Variants in PLPPR5 observed in about 807,000 individuals in gnomAD.
PLPPR5 encodes the protein phospholipid phosphatase related 5, also known as phospholipid phosphatase-related protein type 5.
Under a neutral mutation model 33.9 loss-of-function variants are expected in PLPPR5, and 16 were observed. The observed-to-expected ratio is 0.47, with a 90% CI of 0.32 to 0.72. The LOEUF (loss-of-function observed/expected upper bound fraction) is 0.72, where lower values mean the gene tolerates loss of function less well. Ranked by LOEUF, PLPPR5 falls within the 30% of genes least tolerant of loss-of-function variation. The probability of loss-of-function intolerance (pLI) is 0.03; values close to 1 mark genes in which losing one functional copy is unlikely to be tolerated. For synonymous variants in PLPPR5, 163 were observed against 150.3 expected, an observed-to-expected ratio of 1.08 and a Z score of -0.62; for missense variants, 301 against 406.7, an observed-to-expected ratio of 0.74 and a Z score of 2.23.
intron 3 of PLPPR5, among the ~76,000 whole-genome samples, chr1:98,928,538 A>C (rs995137378): frequency 3.1e-5 from 2 of 65,318 alleles, no homozygotes; most frequent in Non-Finnish European, 7.0e-5. Flanking sequence ...ACTATTAGAA[A>C]GTTTTAAATC....
intron 3 of PLPPR5, among the ~76,000 whole-genome samples, chr1:98,936,513 T>C (rs1650173588): frequency 6.6e-6 from 1 of 152,234 alleles, no homozygotes. Flanking sequence ...CAAAATTTCC[T>C]GATCCTCAGG....
At chr1:98,932,260 A>G (rs1384854937) in intron 3 of PLPPR5, among the ~76,000 whole-genome samples, 3 of 152,216 alleles carry the variant, frequency 2.0e-5, no homozygotes, top group Non-Finnish European at 4.4e-5. Context: ...TGGGTTAAAT[A>G]GGCTTTTGAA....
Position 98,891,760 on chromosome 1 carries a change from C to T in PLPPR5, c.*1312G>A, listed in dbSNP as rs192788206. 3 of 152,116 alleles carry T rather than the reference C, an allele frequency of 2.0e-5. No individual in the cohort carries two copies. Among genetic ancestry groups the T allele is most frequent in the Non-Finnish European group, 2.9e-5 (2 of 67,968 alleles). The allele number at this position is 152,116 out of a possible 1,614,324, so 9.4% of individuals were successfully genotyped here. On this transcript the variant is annotated 3_prime_UTR_variant, in exon 6 of 6. Coordinates refer to ENST00000263177, the MANE Select transcript of PLPPR5 (RefSeq NM_001037317.2). ...CATAAACATTTAAAATACAGCAGAG[C>T]TTTCATATTTGTATTCTGGCATTTC... is the stretch of plus-strand genomic sequence containing the variant.
intron 5 of PLPPR5, among the ~76,000 whole-genome samples, chr1:98,897,008 G>C (rs1479959191): frequency 6.6e-6 from 1 of 152,062 alleles, no homozygotes; most frequent in African/African-American, 2.4e-5. Context: ...TACAGCTATA[G>C]GAAAACAAGT....
chr1:98,916,133 T>C (rs1649340051), intron 4 of PLPPR5, among the ~76,000 whole-genome samples: 3 of 152,188 alleles, frequency 2.0e-5, no homozygotes, highest in Admixed American at 2.0e-4. Context: ...GCCAATTAGA[T>C]CAATTAGATC....
chr1:98,972,704 C>G (rs1438652012), intron 1 of PLPPR5, among the ~76,000 whole-genome samples: 1 of 151,956 alleles, frequency 6.6e-6, no homozygotes, highest in Non-Finnish European at 1.5e-5. Context: ...TGTTCAGTTA[C>G]CAACCTTACT....
chr1:98,932,206 A>G (rs146916475), intron 3 of PLPPR5, among the ~76,000 whole-genome samples: 143 of 152,328 alleles, frequency 9.4e-4, no homozygotes, highest in African/African-American at 3.3e-3. Flanking sequence ...GAAACACTGT[A>G]CCTCATGGTA....
intron 1 of PLPPR5, among the ~76,000 whole-genome samples, chr1:98,985,740 T>A (rs1237862055): frequency 6.6e-6 from 1 of 152,038 alleles, no homozygotes; most frequent in Non-Finnish European, 1.5e-5. Flanking sequence ...CAGTTTTGAG[T>A]ATAGTAACAA....
chr1:98,973,546 T>A (rs945975754), intron 1 of PLPPR5, among the ~76,000 whole-genome samples: 1 of 152,082 alleles, frequency 6.6e-6, no homozygotes, highest in South Asian at 2.1e-4. Context: ...GCTTTACAGG[T>A]AGGGCCATCA....
At chr1:98,973,527 A>C (rs1570746481) in intron 1 of PLPPR5, among the ~76,000 whole-genome samples, 1 of 152,026 alleles carries the variant, frequency 6.6e-6, no homozygotes, top group Non-Finnish European at 1.5e-5. Flanking sequence ...AGAAGCAACA[A>C]GTGGAAGAGC....
intron 3 of PLPPR5, among the ~76,000 whole-genome samples, chr1:98,927,310 AG>A (rs1050033852): frequency 5.9e-5 from 9 of 152,310 alleles, no homozygotes; most frequent in African/African-American, 1.9e-4. Context: ...AGTGGGGTCT[AG>A]TTGGAGGCCT....
chr1:98,943,627 C>A (rs1410358557), intron 3 of PLPPR5, among the ~76,000 whole-genome samples: 2 of 152,100 alleles, frequency 1.3e-5, no homozygotes, highest in Non-Finnish European at 2.9e-5. Flanking sequence ...AGAGGAGTAA[C>A]TACTTATTAG....
intron 1 of PLPPR5, among the ~76,000 whole-genome samples, chr1:98,958,977 C>T (rs1651126623): frequency 1.3e-5 from 2 of 152,064 alleles, no homozygotes; most frequent in Admixed American, 1.3e-4. Flanking sequence ...CTCAGGCTAC[C>T]ATGCTAAACT....
At chr1:98,940,497 T>C (rs956477693) in intron 3 of PLPPR5, among the ~76,000 whole-genome samples, 5 of 151,930 alleles carry the variant, frequency 3.3e-5, no homozygotes, top group Admixed American at 6.6e-5. Context: ...AGACAGCTTT[T>C]AGCCAGGGCT....
At chr1:98,897,507 T>C (rs1187928697) in intron 5 of PLPPR5, among the ~76,000 whole-genome samples, 1 of 152,192 alleles carries the variant, frequency 6.6e-6, no homozygotes, top group Admixed American at 6.6e-5. Flanking sequence ...AATGCTGAGA[T>C]TAAATATTAT....
intron 3 of PLPPR5, among the ~76,000 whole-genome samples, chr1:98,943,710 A>G (rs1650459476): frequency 6.6e-6 from 1 of 152,224 alleles, no homozygotes; most frequent in Non-Finnish European, 1.5e-5. Flanking sequence ...TGAAGGGAGG[A>G]TAGTGAAGAT....
chr1:98,914,699 C>A, intron 5 of PLPPR5, 87 bp downstream of exon 5: 1 of 1,204,242 alleles, frequency 8.3e-7, no homozygotes. Flanking sequence ...TCAACATAAA[C>A]TGTGTGGACA....
chr1:98,997,858 A>G (rs1469740646), intron 1 of PLPPR5, among the ~76,000 whole-genome samples: 1 of 152,182 alleles, frequency 6.6e-6, no homozygotes, highest in Non-Finnish European at 1.5e-5. Flanking sequence ...TCACAACAGC[A>G]CTGAAAAGTA....
intron 1 of PLPPR5, among the ~76,000 whole-genome samples, chr1:98,972,672 C>T (rs912879595): frequency 1.3e-5 from 2 of 152,004 alleles, no homozygotes; most frequent in South Asian, 2.1e-4. Flanking sequence ...AATTATCTTT[C>T]CTTCTCAAAC....
Sources: allele counts gnomAD v4.1 joint callset (sites outside exome capture counted in the v4.1 genomes callset), GRCh38; gene constraint gnomAD v4.1.1; transcripts MANE v1.5; gene names NCBI Gene and HGNC (gene_info 2026-07-23, HGNC 2026-07-21).